The following LAMB4 variants were observed in gnomAD, a reference collection of about 807,000 sequenced individuals.
LAMB4 encodes the protein laminin subunit beta 4.
LAMB4 carries 196 observed loss-of-function variants against 199.2 expected under a neutral mutation model. That is an observed-to-expected ratio of 0.98 (90% CI 0.88 to 1.11). The LOEUF is 1.11. LAMB4 is among the 50% of genes least tolerant of loss of function. The pLI is 0.00. For synonymous variants in LAMB4, 744 were observed against 770.6 expected (o/e 0.97, Z 0.57); for missense variants, 2,080 against 2,171.2 (o/e 0.96, Z 0.83).
intron 21 of LAMB4, among the ~76,000 whole-genome samples, chr7:108,065,059 T>C (rs1049153862): frequency 4.6e-5 from 7 of 151,898 alleles, no homozygotes; most frequent in African/African-American, 1.7e-4. Context: ...GTGCAATCCA[T>C]CATGCCTAGC....
chr7:108,042,163 G>A (rs2035442402), intron 29 of LAMB4, among the ~76,000 whole-genome samples: 2 of 152,182 alleles, frequency 1.3e-5, no homozygotes, highest in African/African-American at 4.8e-5. Context: ...GGTCGGTGGA[G>A]GGCATTGCAA....
chr7:108,065,429 T>C (rs2036301404), intron 21 of LAMB4, among the ~76,000 whole-genome samples: 1 of 152,216 alleles, frequency 6.6e-6, no homozygotes, highest in South Asian at 2.1e-4. Context: ...TTATATATAA[T>C]ATATATGCTA....
In LAMB4 at chr7:108,107,623, A is replaced by C. The variant is rs769670640; in HGVS notation, c.591+8T>G. 1 of 1,569,258 alleles carries C rather than the reference A, an allele frequency of 6.4e-7. No homozygotes were observed. Among genetic ancestry groups the C allele is most frequent in the Non-Finnish European group, 8.6e-7 (1 of 1,161,116 alleles). On this transcript the variant is annotated splice_region_variant and intron_variant, in intron 6 of 33. Coordinates refer to ENST00000388781, the MANE Select transcript of LAMB4 (RefSeq NM_007356.3). ...TATACAAAATAAATACAAGGAAGGAAATGCTACCTCTCCACCTGTTGAGGG... is the reference window on the plus strand; with the variant it reads ...TATACAAAATAAATACAAGGAAGGACATGCTACCTCTCCACCTGTTGAGGG...
intron 1 of LAMB4, among the ~76,000 whole-genome samples, chr7:108,123,890 C>T (rs1439293375): frequency 1.3e-5 from 2 of 152,198 alleles, no homozygotes; most frequent in Non-Finnish European, 2.9e-5. Flanking sequence ...TAGATTTGGC[C>T]ATGGCCCTTG....
chr7:108,105,854 T>C lies in LAMB4; in HGVS notation c.833A>G (p.Gln278Arg), dbSNP rs547403389. 6.5e-5 allele frequency: 105 copies of C among 1,614,256 alleles called. 1 individual carries two copies. The South Asian group carries it at 9.9e-4, about 15-fold the overall frequency. ...GCTGAAAACATCTCCCCGCATCTTC[T>C]GCATAGGGCGACATTCGCTAGCATG... ...NGHASECRPM[Q>R]KMRGDVFSPP... Residue 278 changes from glutamine to arginine, a missense_variant, in exon 8 of 34, where the codon CAG (glutamine) becomes CGG (arginine). Coordinates refer to ENST00000388781, the MANE Select transcript of LAMB4 (RefSeq NM_007356.3).
chr7:108,087,911 A>G (rs947739944), intron 14 of LAMB4, among the ~76,000 whole-genome samples: 3 of 152,154 alleles, frequency 2.0e-5, no homozygotes, highest in Non-Finnish European at 4.4e-5. Flanking sequence ...ATTTCTATTC[A>G]TGAGGGTAAT....
the LAMB4 span, among the ~76,000 whole-genome samples, chr7:108,011,926 G>A: frequency 6.6e-6 from 1 of 151,392 alleles, no homozygotes; most frequent in African/African-American, 2.4e-5. Flanking sequence ...AGGAGATGTA[G>A]CAAATAACAT....
intron 32 of LAMB4, among the ~76,000 whole-genome samples, 162 bp from the exon 33 acceptor site, chr7:108,029,358 A>G (rs570633539): frequency 1.1e-4 from 16 of 152,326 alleles, no homozygotes; most frequent in African/African-American, 3.6e-4. Context: ...TTTTATTTGC[A>G]TGTTTGTTTT....
At chr7:108,029,341 G>A (rs1190446768) in intron 32 of LAMB4, 145 bp from the exon 33 acceptor site, 11 of 521,962 alleles carry the variant, frequency 2.1e-5, no homozygotes, top group Non-Finnish European at 2.1e-5. Flanking sequence ...TGATATTTCC[G>A]GCAGAGTTTT....
At chr7:108,031,331 C>CAAAAAAAAAAAAAA (rs60572529) in intron 31 of LAMB4, among the ~76,000 whole-genome samples, 3 of 14,898 alleles carry the variant, frequency 2.0e-4, no homozygotes, top group African/African-American at 6.1e-4. Flanking sequence ...TCAACAATAA[C>CAAAAAAAAAAAAAA]AAAAAAAAAA....
intron 25 of LAMB4, 36 bp downstream of exon 25, chr7:108,055,596 G>A (rs2035955926): frequency 6.3e-7 from 1 of 1,578,884 alleles, no homozygotes; most frequent in Non-Finnish European, 8.6e-7. Flanking sequence ...GGTAAATCAG[G>A]AGTTTGGCTG....
At chr7:108,111,066 G>C (rs994865919) in intron 4 of LAMB4, among the ~76,000 whole-genome samples, 3 of 152,214 alleles carry the variant, frequency 2.0e-5, no homozygotes, top group Non-Finnish European at 2.9e-5. Context: ...CATCTTGTGG[G>C]GGTTAAGGAA....
chr7:108,025,432 C>CT lies in LAMB4; in HGVS notation c.5147-1255dup, dbSNP rs767315122. On this transcript the variant is annotated intron_variant, in intron 33 of 33. Coordinates refer to ENST00000388781, the MANE Select transcript of LAMB4 (RefSeq NM_007356.3). ...TTCTTTCTTTCTTCTTTCTTTCTTT[C>CT]TTTTTTTTTTTTTGAGACAGAGTTT... Among the ~76,000 whole-genome samples, 872 of 109,572 alleles carry CT rather than the reference C, an allele frequency of 8.0e-3. 9 individuals carry two copies. Among genetic ancestry groups the CT allele is most frequent in the Middle Eastern group, 0.016 (4 of 248 alleles). The allele number at this position is 109,572 out of a possible 152,430, so 71.9% of individuals were successfully genotyped here.
At chr7:108,120,812 T>A (rs545737226) in intron 2 of LAMB4, among the ~76,000 whole-genome samples, 3 of 152,382 alleles carry the variant, frequency 2.0e-5, no homozygotes, top group South Asian at 2.1e-4. Flanking sequence ...GATTTTTTTT[T>A]AATTGGAATT....
intron 31 of LAMB4, among the ~76,000 whole-genome samples, chr7:108,033,479 C>T (rs969860517): frequency 7.9e-5 from 12 of 152,154 alleles, no homozygotes; most frequent in African/African-American, 2.7e-4. Flanking sequence ...GGCACAATCT[C>T]GGCTCACTGC....
rs186440575 is a variant in LAMB4, at chr7:108,035,927, C to T, written c.4679+1461G>A. Among the ~76,000 whole-genome samples, 263 of 151,606 alleles carry T rather than the reference C, an allele frequency of 1.7e-3. 8 individuals carry two copies. The East Asian group carries it at 0.046, about 26-fold the overall frequency. On this transcript the variant is annotated intron_variant, in intron 30 of 33. Transcript: ENST00000388781. ...AGAGTTCAGTGGTGCAGTCTCAGCTCACTGCAGCCTCTGCCTCCCAGGTTC... is the reference window on the plus strand; with the variant it reads ...AGAGTTCAGTGGTGCAGTCTCAGCTTACTGCAGCCTCTGCCTCCCAGGTTC...
chr7:108,129,291 C>G lies in LAMB4; in HGVS notation c.-34+1015G>C, dbSNP rs185064407. On this transcript the variant is annotated intron_variant, in intron 1 of 33. Transcript: ENST00000388781. ...TCCGCTCCTGTTTCTACTACAGCAC[C>G]TTTCTTCTGCAAATTGGACAGTAAT... Among the ~76,000 whole-genome samples, 37 of 152,328 alleles carry G rather than the reference C, an allele frequency of 2.4e-4. No individual in the cohort carries two copies. In the East Asian group the frequency reaches 6.6e-3, roughly 27 times the overall value.
chr7:108,037,457 G>C lies in LAMB4; in HGVS notation c.4610C>G (p.Thr1537Arg), dbSNP rs1179948709. 3 of 1,614,020 alleles carry C rather than the reference G, an allele frequency of 1.9e-6. No homozygotes were observed. The African/African-American group carries it at 4.0e-5, about 22-fold the overall frequency. ...TTCTTCATTTAACCTGTTTTCATCT[G>C]TCCTGTAATCCTCACAGAGTTGCAT... ...KHMQLCEDYRTDENRLNEEAD... is the reference protein window; with the variant it reads ...KHMQLCEDYRRDENRLNEEAD... Residue 1537 changes from threonine (T) to arginine (R), a missense_variant, in exon 30 of 34, where the codon ACA becomes AGA. Coordinates refer to ENST00000388781, the MANE Select transcript of LAMB4 (RefSeq NM_007356.3).
At chr7:108,115,798 G>A (rs2038382926) in intron 3 of LAMB4, among the ~76,000 whole-genome samples, 1 of 152,170 alleles carries the variant, frequency 6.6e-6, no homozygotes, top group Admixed American at 6.6e-5. Context: ...TTAGATCAGG[G>A]ACTTGAGCAT....
Sources: allele counts gnomAD v4.1 joint callset (sites outside exome capture counted in the v4.1 genomes callset), GRCh38; gene constraint gnomAD v4.1.1; transcripts MANE v1.5; gene names NCBI Gene and HGNC (gene_info 2026-07-23, HGNC 2026-07-21).